Variants in PDS5A observed in about 807,000 individuals in gnomAD.
The protein encoded by PDS5A is sister chromatid cohesion protein PDS5 homolog A.
Under a neutral mutation model 167.1 loss-of-function variants are expected in PDS5A, and 42 were observed. The observed-to-expected ratio is 0.25, with a 90% CI of 0.20 to 0.33. The LOEUF (loss-of-function observed/expected upper bound fraction) is 0.33. Ranked by LOEUF, PDS5A falls within the 10% of genes least tolerant of loss-of-function variation. The probability of loss-of-function intolerance (pLI) is 1.00; values close to 1 mark genes in which losing one functional copy is unlikely to be tolerated. For synonymous variants in PDS5A, 553 were observed against 554.6 expected, an observed-to-expected ratio of 1.00 and a Z score of 0.04; for missense variants, 1,033 against 1,605.9, an observed-to-expected ratio of 0.64 and a Z score of 6.10.
chr4:39,872,921 T>C (rs543324979), intron 21 of PDS5A, 65 bp downstream of exon 21: 1 of 802,952 alleles, frequency 1.2e-6, no homozygotes, highest in African/African-American at 1.7e-5. Flanking sequence ...CAGAAGTGTT[T>C]CTGTGATGAA....
chr4:39,915,889 A>G (rs1724330994), intron 8 of PDS5A, among the ~76,000 whole-genome samples: 1 of 152,184 alleles, frequency 6.6e-6, no homozygotes, highest in South Asian at 2.1e-4. Context: ...TCTATAAACT[A>G]CAGAAGTAAA....
chr4:39,927,911 T>G (rs368708141), intron 3 of PDS5A, 50 bp downstream of exon 3: 4 of 1,260,504 alleles, frequency 3.2e-6, no homozygotes, highest in Non-Finnish European at 3.5e-6. Context: ...GTATACCTTC[T>G]GAACAGTGGT....
chr4:39,843,079 T>A (rs1470628201), intron 30 of PDS5A, among the ~76,000 whole-genome samples: 4 of 151,490 alleles, frequency 2.6e-5, no homozygotes, highest in Non-Finnish European at 5.9e-5. Flanking sequence ...GCCCCCATGA[T>A]GCCCAGATTG....
chr4:39,962,633 G>A (rs532019248), intron 2 of PDS5A, among the ~76,000 whole-genome samples: 15 of 151,786 alleles, frequency 9.9e-5, no homozygotes, highest in Admixed American at 2.6e-4. Context: ...GTGAAACCCC[G>A]TCTCTACTAA....
At chr4:39,903,204 A>T (rs1221918254) in intron 12 of PDS5A, among the ~76,000 whole-genome samples, 1 of 152,246 alleles carries the variant, frequency 6.6e-6, no homozygotes, top group African/African-American at 2.4e-5. Flanking sequence ...TCACATAGTT[A>T]AAAACAGGGG....
At chr4:39,878,231 GATA>G (rs1314598375) in intron 18 of PDS5A, among the ~76,000 whole-genome samples, 1 of 152,116 alleles carries the variant, frequency 6.6e-6, no homozygotes, top group African/African-American at 2.4e-5. Flanking sequence ...GGTTTGGAGT[GATA>G]ATATTTACTT....
intron 32 of PDS5A, among the ~76,000 whole-genome samples, chr4:39,833,698 T>G (rs562169370): frequency 6.6e-6 from 1 of 152,122 alleles, no homozygotes; most frequent in Non-Finnish European, 1.5e-5. Flanking sequence ...CTGGATAAAT[T>G]GTTTCAGGAA....
Position 39,873,115 on chromosome 4 carries a change from C to A in PDS5A, c.2307G>T (p.Val769=). The part of the protein sequence containing the change: ...EPLSRSLNAD[V]PEQLITPLVS... Reference sequence around the variant, plus strand: ...CTAATGGAGTTATAAGTTGTTCTGGCACATCAGCATTCAGACTCCTACTGA... The same window carrying A: ...CTAATGGAGTTATAAGTTGTTCTGGAACATCAGCATTCAGACTCCTACTGA... Residue 769 remains valine (V), a synonymous_variant, in exon 21 of 33, where the codon GTG becomes GTT. Coordinates refer to ENST00000303538, the MANE Select transcript of PDS5A (RefSeq NM_001100399.2). 6.6e-7 allele frequency: 1 copy of A among 1,517,640 alleles called. No homozygotes were observed. The highest frequency in any genetic ancestry group is 9.0e-7 in the Non-Finnish European group (1 of 1,116,008). 94.0% of individuals were successfully genotyped at this position (1,517,640 alleles called of 1,614,324 possible).
chr4:39,843,224 T>G (rs1717225120), intron 30 of PDS5A, among the ~76,000 whole-genome samples: 1 of 151,312 alleles, frequency 6.6e-6, no homozygotes, highest in Non-Finnish European at 1.5e-5. Context: ...CAGGCTGGAG[T>G]GTAGCAGAGA....
At position 39,852,446 on chromosome 4, in the gene PDS5A, T is replaced by C. The variant is rs181490266; in HGVS notation, c.3087-2794A>G. On this transcript the variant is annotated intron_variant, in intron 26 of 32. Transcript: ENST00000303538. ...CCTTATCCAAGGGAGCTAATTCCTC[T>C]CCATCTCGTATCTTTTCACTGAACT... Among the ~76,000 whole-genome samples the C allele has an allele frequency of 4.1e-4, 63 of 152,198 alleles. No homozygotes were observed. The East Asian group carries it at 0.012, about 29-fold the overall frequency.
At chr4:39,902,956 A>G (rs1485458317) in intron 12 of PDS5A, among the ~76,000 whole-genome samples, 2 of 152,240 alleles carry the variant, frequency 1.3e-5, no homozygotes, top group African/African-American at 4.8e-5. Flanking sequence ...GTTTAACTTT[A>G]GAGACACGGT....
chr4:39,956,861 G>C (rs1392608416), intron 2 of PDS5A, among the ~76,000 whole-genome samples: 2 of 152,010 alleles, frequency 1.3e-5, no homozygotes, highest in African/African-American at 4.8e-5. Flanking sequence ...TTGTAGAGAA[G>C]AGGTTTTGCC....
intron 2 of PDS5A, among the ~76,000 whole-genome samples, chr4:39,957,451 C>T (rs1729028755): frequency 6.6e-6 from 1 of 152,144 alleles, no homozygotes; most frequent in Non-Finnish European, 1.5e-5. Context: ...TGTCAGATGA[C>T]TATAATCTCA....
At chr4:39,955,745 T>C (rs1578821005) in intron 2 of PDS5A, among the ~76,000 whole-genome samples, 3 of 151,920 alleles carry the variant, frequency 2.0e-5, no homozygotes, top group South Asian at 2.1e-4. Flanking sequence ...AGGGGGTTTG[T>C]TGGGAATACT....
Position 39,824,553 on chromosome 4 carries a change from A to C in PDS5A, c.*932T>G, listed in dbSNP as rs1004303448. The C allele has an allele frequency of 5.2e-5, 8 of 152,566 alleles. No homozygotes were observed. In the Admixed American group the frequency reaches 5.2e-4, roughly 10 times the overall value. 9.5% of individuals were successfully genotyped at this position (152,566 alleles called of 1,614,324 possible). On this transcript the variant is annotated 3_prime_UTR_variant, in exon 33 of 33. Transcript: ENST00000303538. ...CCTAAAACACCTCCAACTTTCCTTA[A>C]AAGCTGCCAAAGTCCAACTATTTTT...
At chr4:39,941,569 G>A (rs1314598398) in intron 2 of PDS5A, among the ~76,000 whole-genome samples, 6 of 152,156 alleles carry the variant, frequency 3.9e-5, no homozygotes, top group Non-Finnish European at 8.8e-5. Context: ...AACTACAGCA[G>A]GTGGTGCAGG....
intron 28 of PDS5A, chr4:39,848,344 C>G (rs1717822650): frequency 6.6e-6 from 1 of 152,584 alleles, no homozygotes; most frequent in South Asian, 2.1e-4. Context: ...ACATGGGAAA[C>G]AGTTTGCTGA....
intron 2 of PDS5A, among the ~76,000 whole-genome samples, chr4:39,970,820 C>G: frequency 1.1e-5 from 1 of 89,944 alleles, no homozygotes; most frequent in South Asian, 3.5e-4. Flanking sequence ...TTTTTTAAGA[C>G]AAGGTCTCAC....
intron 2 of PDS5A, among the ~76,000 whole-genome samples, chr4:39,941,074 T>C (rs1305222227): frequency 1.3e-5 from 2 of 152,226 alleles, no homozygotes; most frequent in Admixed American, 1.3e-4. Context: ...AAGGACACCA[T>C]TTTAACTCAT....
Sources: gnomAD v4.1 joint callset for allele counts (sites outside exome capture counted in the v4.1 genomes callset) on GRCh38, gnomAD v4.1.1 for gene constraint, MANE v1.5 for transcripts, NCBI Gene and HGNC (gene_info 2026-07-23, HGNC 2026-07-21) for gene names.